Variants in TIMP3 observed in about 807,000 individuals in gnomAD.
TIMP3 encodes the protein TIMP metallopeptidase inhibitor 3.
A neutral mutation model predicts 30.0 loss-of-function variants in TIMP3; 11 were observed. The observed-to-expected ratio is 0.37, with a 90% confidence interval of 0.23 to 0.61. The LOEUF is 0.61. Ranked by LOEUF, TIMP3 falls within the 20% of genes least tolerant of loss-of-function variation. The pLI is 0.70. For synonymous variants in TIMP3, 112 were observed against 111.3 expected (o/e 1.01, Z -0.04); for missense variants, 181 against 276.8 (o/e 0.65, Z 2.45).
intron 2 of TIMP3, among the ~76,000 whole-genome samples, chr22:32,850,614 A>G (rs185472482): frequency 2.0e-5 from 3 of 152,166 alleles, no homozygotes; most frequent in African/African-American, 4.8e-5. Flanking sequence ...AGGTTGGGAG[A>G]GAAGAGGCAG....
At chr22:32,845,520 C>T (rs546002210) in intron 1 of TIMP3, among the ~76,000 whole-genome samples, 29 of 152,276 alleles carry the variant, frequency 1.9e-4, no homozygotes, top group African/African-American at 5.5e-4. Context: ...TATCTCCCCA[C>T]TAGACTAGCC....
At chr22:32,828,738 G>A (rs571639493) in intron 1 of TIMP3, among the ~76,000 whole-genome samples, 3 of 152,284 alleles carry the variant, frequency 2.0e-5, no homozygotes, top group East Asian at 3.9e-4. Context: ...GGCCGGTTCT[G>A]GGAGACTGAG....
chr22:32,824,840 T>C (rs184736046), intron 1 of TIMP3, among the ~76,000 whole-genome samples: 2 of 152,284 alleles, frequency 1.3e-5, no homozygotes, highest in Admixed American at 1.3e-4. Flanking sequence ...AAAGAGATGC[T>C]CCCTACTCTT....
intron 1 of TIMP3, among the ~76,000 whole-genome samples, chr22:32,822,079 T>G (rs1401259527): frequency 7.0e-6 from 1 of 143,236 alleles, no homozygotes; most frequent in Non-Finnish European, 1.5e-5. Context: ...TGCTTGAACC[T>G]GGGAGGCAGA....
At chr22:32,806,918 T>G (rs1301216705) in intron 1 of TIMP3, among the ~76,000 whole-genome samples, 1 of 152,108 alleles carries the variant, frequency 6.6e-6, no homozygotes, top group Non-Finnish European at 1.5e-5. Context: ...CATAGCAAAT[T>G]TATAGTAGTT....
chr22:32,811,577 G>A (rs530895069), intron 1 of TIMP3, among the ~76,000 whole-genome samples: 7 of 152,186 alleles, frequency 4.6e-5, no homozygotes, highest in Non-Finnish European at 7.3e-5. Context: ...ACAGGGCAGA[G>A]AAAGAAACAA....
chr22:32,833,738 C>A, intron 1 of TIMP3: 2 of 493,570 alleles, frequency 4.1e-6, no homozygotes, highest in South Asian at 2.9e-5. Context: ...GGGAGAGTCA[C>A]TTCTTCTTTA....
chr22:32,821,182 T>G (rs765160657), intron 1 of TIMP3, among the ~76,000 whole-genome samples: 1 of 152,162 alleles, frequency 6.6e-6, no homozygotes, highest in Non-Finnish European at 1.5e-5. Flanking sequence ...CGTCTCTGCC[T>G]TTTACCACTG....
intron 1 of TIMP3, among the ~76,000 whole-genome samples, chr22:32,839,309 A>T (rs2047827927): frequency 6.6e-6 from 1 of 152,110 alleles, no homozygotes; most frequent in Non-Finnish European, 1.5e-5. Flanking sequence ...TCCTGGGAGA[A>T]TGTGGGGGAC....
At chr22:32,849,771 G>A (rs1006916742) in intron 2 of TIMP3, among the ~76,000 whole-genome samples, 1 of 152,152 alleles carries the variant, frequency 6.6e-6, no homozygotes, top group Admixed American at 6.5e-5. Context: ...CAAGGCACTT[G>A]TTAGGAAGCT....
intron 4 of TIMP3, 140 bp from the exon 5 acceptor site, chr22:32,859,040 T>G: frequency 1.3e-6 from 1 of 775,428 alleles, no homozygotes; most frequent in South Asian, 1.4e-5. Flanking sequence ...GCTAGTGCTA[T>G]TTATATTATG....
intron 1 of TIMP3, among the ~76,000 whole-genome samples, chr22:32,815,576 A>C (rs1292764262): frequency 6.6e-6 from 1 of 152,244 alleles, no homozygotes; most frequent in Admixed American, 6.5e-5. Context: ...GAGGAATTAA[A>C]TATGAAAGCA....
chr22:32,802,513 A>T (rs1274654341), intron 1 of TIMP3, among the ~76,000 whole-genome samples: 5 of 142,474 alleles, frequency 3.5e-5, no homozygotes, highest in African/African-American at 1.3e-4. Context: ...TGAATAGTTA[A>T]AAAAAAAAAA....
chr22:32,804,019 T>C (rs950268158), intron 1 of TIMP3, among the ~76,000 whole-genome samples: 1 of 152,168 alleles, frequency 6.6e-6, no homozygotes, highest in African/African-American at 2.4e-5. Context: ...GTCTGAGCAA[T>C]GCAGAAAGTT....
chr22:32,810,579 A>G (rs1157965469), intron 1 of TIMP3, among the ~76,000 whole-genome samples: 1 of 152,160 alleles, frequency 6.6e-6, no homozygotes, highest in Non-Finnish European at 1.5e-5. Context: ...CCAAGCCTCC[A>G]AGAGCCATTC....
At chr22:32,813,318 T>TA (rs1295314366) in intron 1 of TIMP3, among the ~76,000 whole-genome samples, 2 of 152,190 alleles carry the variant, frequency 1.3e-5, no homozygotes, top group East Asian at 1.9e-4. Context: ...GGGGAGACAA[T>TA]AGAGAGTGGC....
At chr22:32,822,155 C>CAAA (rs35312009) in intron 1 of TIMP3, among the ~76,000 whole-genome samples, 7 of 108,260 alleles carry the variant, frequency 6.5e-5, no homozygotes, top group East Asian at 2.5e-4. Context: ...AACTCCATCT[C>CAAA]AAAAAAAAAA....
Position 32,802,132 on chromosome 22 carries a change from C to A in TIMP3, c.121+10C>A. On this transcript the variant is annotated intron_variant, in intron 1 of 4. Coordinates refer to ENST00000266085, the MANE Select transcript of TIMP3 (RefSeq NM_000362.5). ...TGCAACTCCGACATCGGTAAGCGCT[C>A]CTGGTGCCCCGCCCGAGCCCCACGC... is the stretch of plus-strand genomic sequence containing the variant. 2 of 1,577,316 alleles carry A rather than the reference C, an allele frequency of 1.3e-6. No individual in the cohort carries two copies. The highest frequency in any genetic ancestry group is 1.1e-5 in the South Asian group (1 of 87,016).
At chr22:32,824,324 G>C (rs2047340343) in intron 1 of TIMP3, among the ~76,000 whole-genome samples, 1 of 148,226 alleles carries the variant, frequency 6.7e-6, no homozygotes, top group South Asian at 2.2e-4. Context: ...CTCCACCTGA[G>C]CCAGCAGTTC....
Sources: gnomAD v4.1 joint callset for allele counts (sites outside exome capture counted in the v4.1 genomes callset) on GRCh38, gnomAD v4.1.1 for gene constraint, MANE v1.5 for transcripts, NCBI Gene and HGNC (gene_info 2026-07-23, HGNC 2026-07-21) for gene names.